Variants in PRELID2 observed in about 807,000 individuals in gnomAD.
PRELID2 encodes PRELI domain-containing protein 2.
A neutral mutation model predicts 28.4 loss-of-function variants in PRELID2; 25 were observed. The observed-to-expected ratio is 0.88, with a 90% CI of 0.64 to 1.23. The LOEUF (loss-of-function observed/expected upper bound fraction) is 1.23. PRELID2 is among the 50% of genes most tolerant of loss of function. PRELID2 has a pLI of 0.00. For synonymous variants in PRELID2, 76 were observed against 71.6 expected, an observed-to-expected ratio of 1.06 and a Z score of -0.31; for missense variants, 201 against 214.4, an observed-to-expected ratio of 0.94 and a Z score of 0.39.
chr5:145,727,813 C>T (rs750472357), intron 1 of PRELID2, among the ~76,000 whole-genome samples: 4 of 152,064 alleles, frequency 2.6e-5, no homozygotes, highest in Admixed American at 6.6e-5. Context: ...ATTATCAAGA[C>T]AGTTTGATTT....
chr5:145,354,772 A>T, the PRELID2 span, among the ~76,000 whole-genome samples: 2 of 152,196 alleles, frequency 1.3e-5, no homozygotes, highest in African/African-American at 4.8e-5. Flanking sequence ...ATAATTTTTA[A>T]TGAAATAATG....
At chr5:145,375,257 C>A in the PRELID2 span, among the ~76,000 whole-genome samples, 2 of 152,002 alleles carry the variant, frequency 1.3e-5, no homozygotes, top group Non-Finnish European at 2.9e-5. Context: ...GGTTTGCTGG[C>A]GTTTCACTTC....
intron 1 of PRELID2, among the ~76,000 whole-genome samples, chr5:145,722,386 G>A (rs1756015039): frequency 1.3e-5 from 2 of 151,996 alleles, no homozygotes; most frequent in African/African-American, 2.4e-5. Flanking sequence ...TGCAACCTCC[G>A]CCTCACAGGT....
chr5:145,378,917 T>C, the PRELID2 span, among the ~76,000 whole-genome samples: 2 of 152,200 alleles, frequency 1.3e-5, no homozygotes, highest in Admixed American at 1.3e-4. Context: ...CTTTGTGGGC[T>C]TATCTACCTT....
intron 1 of PRELID2, among the ~76,000 whole-genome samples, chr5:145,650,995 T>C (rs1488229997): frequency 2.0e-5 from 3 of 152,038 alleles, no homozygotes; most frequent in Non-Finnish European, 4.4e-5. Flanking sequence ...GGTCAGGGAA[T>C]TCGCTTTCCT....
intron 1 of PRELID2, among the ~76,000 whole-genome samples, chr5:145,595,291 C>A (rs185687882): frequency 2.6e-5 from 4 of 151,802 alleles, no homozygotes; most frequent in Admixed American, 2.6e-4. Context: ...TTTTTTGGCA[C>A]GGCCTTTCTA....
chr5:145,253,437 G>A, the PRELID2 span, among the ~76,000 whole-genome samples: 1 of 152,082 alleles, frequency 6.6e-6, no homozygotes, highest in Non-Finnish European at 1.5e-5. Context: ...TATTCCTAGA[G>A]GCCATACCCA....
the PRELID2 span, among the ~76,000 whole-genome samples, chr5:145,306,487 C>T: frequency 6.6e-6 from 1 of 151,718 alleles, no homozygotes; most frequent in Non-Finnish European, 1.5e-5. Flanking sequence ...AAATATAAAA[C>T]TAATTTTATA....
At chr5:145,590,851 T>C (rs1013265234) in intron 1 of PRELID2, among the ~76,000 whole-genome samples, 14 of 152,196 alleles carry the variant, frequency 9.2e-5, no homozygotes, top group African/African-American at 3.1e-4. Context: ...TTAAAACCCA[T>C]GAATACAGTA....
At chr5:145,263,290 A>G in the PRELID2 span, among the ~76,000 whole-genome samples, 2 of 152,134 alleles carry the variant, frequency 1.3e-5, no homozygotes, top group Non-Finnish European at 2.9e-5. Flanking sequence ...AACACAGTCA[A>G]CATGGTATAA....
chr5:145,789,672 A>C lies in PRELID2; in HGVS notation c.474+6770T>G, dbSNP rs961677977. On this transcript the variant is annotated intron_variant, in intron 5 of 6. Transcript: ENST00000683046. ...GCATCAAACTAAACAGCTTATGCAC[A>C]GCAAAGGAAACAATTAATGGAGTGA... 6.6e-5 allele frequency among the ~76,000 whole-genome samples: 10 copies of C among 152,356 alleles called. No homozygotes were observed. In the East Asian group the frequency reaches 1.7e-3, roughly 26 times the overall value.
intron 5 of PRELID2, among the ~76,000 whole-genome samples, chr5:145,778,925 A>C (rs1758592023): frequency 6.6e-6 from 1 of 152,162 alleles, no homozygotes; most frequent in African/African-American, 2.4e-5. Context: ...CACCATAGTG[A>C]ATTGTATGGT....
chr5:145,712,139 G>T (rs946106523), intron 1 of PRELID2, among the ~76,000 whole-genome samples: 2 of 152,206 alleles, frequency 1.3e-5, no homozygotes, highest in African/African-American at 2.4e-5. Context: ...TCAAGGTACT[G>T]GCTTGAAAGA....
chr5:145,359,098 C>G, the PRELID2 span, among the ~76,000 whole-genome samples: 2 of 152,228 alleles, frequency 1.3e-5, no homozygotes, highest in Non-Finnish European at 2.9e-5. Context: ...TCACATGGAC[C>G]AATCTTTAAC....
chr5:145,461,362 G>T, the PRELID2 span, among the ~76,000 whole-genome samples: 1 of 151,694 alleles, frequency 6.6e-6, no homozygotes, highest in East Asian at 1.9e-4. Context: ...GGGTGCAGTG[G>T]CATGATCTCT....
At chr5:145,651,273 G>T (rs930881124) in intron 1 of PRELID2, among the ~76,000 whole-genome samples, 3 of 152,198 alleles carry the variant, frequency 2.0e-5, no homozygotes, top group Non-Finnish European at 4.4e-5. Context: ...CTCGAACTGG[G>T]TGGAGCCCAC....
At chr5:145,309,413 T>C in the PRELID2 span, among the ~76,000 whole-genome samples, 878 of 152,238 alleles carry the variant, frequency 5.8e-3, 3 homozygotes, top group Non-Finnish European at 0.01. Context: ...CAGTGAAAGA[T>C]AGGGAGAGAA....
chr5:145,275,580 A>G, the PRELID2 span, among the ~76,000 whole-genome samples: 1 of 152,112 alleles, frequency 6.6e-6, no homozygotes, highest in South Asian at 2.1e-4. Flanking sequence ...AAGAAAACAG[A>G]TTTGTGCAAT....
At chr5:145,711,171 A>C (rs1239407814) in intron 1 of PRELID2, among the ~76,000 whole-genome samples, 1 of 152,206 alleles carries the variant, frequency 6.6e-6, no homozygotes, top group Non-Finnish European at 1.5e-5. Context: ...CTGAACAAAA[A>C]TCATGTTTAG....
Sources: gnomAD v4.1 joint callset for allele counts (sites outside exome capture counted in the v4.1 genomes callset) on GRCh38, gnomAD v4.1.1 for gene constraint, MANE v1.5 for transcripts, NCBI Gene and HGNC (gene_info 2026-07-23, HGNC 2026-07-21) for gene names.